FRRS1: variants seen among roughly 807,000 people sequenced by gnomAD.
The protein encoded by FRRS1 is ferric reductase 1.
In FRRS1, 51 loss-of-function variants were observed where a neutral mutation model predicts 70.7. The ratio of observed to expected loss-of-function variants is 0.72; its 90% CI spans 0.58 to 0.91. The LOEUF (loss-of-function observed/expected upper bound fraction) is 0.91. Ranked by LOEUF, FRRS1 falls within the 40% of genes least tolerant of loss-of-function variation. The probability of loss-of-function intolerance (pLI) is 0.00; values close to 1 mark genes in which losing one functional copy is unlikely to be tolerated. For synonymous variants in FRRS1, 225 were observed against 238.7 expected, an observed-to-expected ratio of 0.94 and a Z score of 0.53; for missense variants, 672 against 726.0, an observed-to-expected ratio of 0.93 and a Z score of 0.86.
At position 99,729,743 on chromosome 1, in the gene FRRS1, A is replaced by G. The variant is rs749313268; in HGVS notation, c.765T>C (p.Asp255=). 2.5e-6 allele frequency: 4 copies of G among 1,602,742 alleles called. No individual in the cohort carries two copies. Among genetic ancestry groups the G allele is most frequent in the Admixed American group, 1.7e-5 (1 of 59,658 alleles). ...CATGAATACACAGATAAGCATCATC[A>G]TCACCCTGAAAAACAATTGCAAATG... The part of the protein sequence containing the change: ...FALSHDQWMG[D]DDAYLCIHED... The change falls in exon 8 of 17, where the codon GAT becomes GAC. Residue 255 remains aspartate, a synonymous_variant. Transcript: ENST00000646001.
Position 99,710,898 on chromosome 1 carries a change from G to C in FRRS1, c.1532C>G (p.Ser511Ter), listed in dbSNP as rs753813379. The C allele has an allele frequency of 5.0e-6, 8 of 1,613,788 alleles. No homozygotes were observed. The South Asian group carries it at 8.8e-5, about 18-fold the overall frequency. ...MDLPGLNLPDSWKTYAMTGFV... is the reference protein window; with the variant it reads ...MDLPGLNLPD ...TCCGGTCATTGCATAGGTTTTCCAT[G>C]AATCAGGAAGATTCAGTCCTGGTAA... The change falls in exon 15 of 17, where the codon TCA becomes TGA. Residue 511 changes from serine to a stop codon, truncating the protein, a stop_gained. Coordinates refer to ENST00000646001, the MANE Select transcript of FRRS1 (RefSeq NM_001361041.2). LOFTEE classifies it high-confidence loss of function.
Position 99,712,480 on chromosome 1 carries a change from C to T in FRRS1, c.1359G>A (p.Val453=). The change falls in exon 13 of 17, where the codon GTG becomes GTA. Residue 453 remains valine (V), a synonymous_variant. Coordinates refer to ENST00000646001, the MANE Select transcript of FRRS1 (RefSeq NM_001361041.2). ...AGYHPYLGCI[V]MTLAVLQPLL... is the part of the protein sequence containing the mutation. Reference sequence around the variant, plus strand: ...GAGGCTGAAGAACTGCCAAAGTCATCACTATACAGCCGAGGTATGGGTGGT... The same window carrying T: ...GAGGCTGAAGAACTGCCAAAGTCATTACTATACAGCCGAGGTATGGGTGGT... The T allele has an allele frequency of 1.2e-6, 2 of 1,613,040 alleles. No individual in the cohort carries two copies. Among genetic ancestry groups the T allele is most frequent in the Non-Finnish European group, 1.7e-6 (2 of 1,179,542 alleles).
At chr1:99,721,513 A>T (rs1343221958) in intron 9 of FRRS1, among the ~76,000 whole-genome samples, 3 of 152,140 alleles carry the variant, frequency 2.0e-5, no homozygotes, top group African/African-American at 7.2e-5. Context: ...TAAACAAAAT[A>T]GGTGAATTTG....
At chr1:99,729,245 C>T (rs1655223412) in intron 8 of FRRS1, among the ~76,000 whole-genome samples, 1 of 152,234 alleles carries the variant, frequency 6.6e-6, no homozygotes, top group African/African-American at 2.4e-5. Context: ...CTTAAGACAA[C>T]TGTCCAAGGC....
chr1:99,755,784 T>C (rs1484291770), intron 1 of FRRS1, among the ~76,000 whole-genome samples: 3 of 152,120 alleles, frequency 2.0e-5, no homozygotes, highest in African/African-American at 7.2e-5. Context: ...GAAAAGCATA[T>C]TGGGAATTAT....
chr1:99,712,208 T>A, intron 13 of FRRS1, 45 bp from the exon 14 acceptor site: 1 of 1,286,150 alleles, frequency 7.8e-7, no homozygotes, highest in Non-Finnish European at 1.1e-6. Context: ...GCAATGGAAC[T>A]ATAATTAATT....
chr1:99,762,101 C>T (rs1216853446), intron 1 of FRRS1, among the ~76,000 whole-genome samples: 3 of 152,110 alleles, frequency 2.0e-5, no homozygotes, highest in Admixed American at 1.3e-4. Flanking sequence ...TCCATAGCTT[C>T]AAATCAGACC....
At position 99,705,491 on chromosome 1, in the gene FRRS1, A is replaced by AGAAT. The variant is rs1469970718; in HGVS notation, c.*3533_*3536dup. Among the ~76,000 whole-genome samples, 1 of 152,172 alleles carries AGAAT rather than the reference A, an allele frequency of 6.6e-6. No individual in the cohort carries two copies. The highest frequency in any genetic ancestry group is 2.4e-5 in the African/African-American group (1 of 41,430). On this transcript the variant is annotated 3_prime_UTR_variant, in exon 17 of 17. Coordinates refer to ENST00000646001, the MANE Select transcript of FRRS1 (RefSeq NM_001361041.2). ...TTGTTCTTTTTTTCCCTGCCTCATG[A>AGAAT]GAATATACAGATAAATAGAATTTCA...
intron 7 of FRRS1, 79 bp downstream of exon 7, chr1:99,738,007 C>A (rs1655759814): frequency 2.5e-6 from 3 of 1,209,478 alleles, no homozygotes; most frequent in East Asian, 2.5e-5. Flanking sequence ...TCCCAAAGTG[C>A]TGGGATTACA....
At chr1:99,712,594 G>A (rs959110858) in intron 12 of FRRS1, 79 bp from the exon 13 acceptor site, 5 of 701,856 alleles carry the variant, frequency 7.1e-6, no homozygotes, top group African/African-American at 1.8e-5. Context: ...AATACACACA[G>A]ATGTATTCTT....
intron 1 of FRRS1, among the ~76,000 whole-genome samples, chr1:99,749,237 G>C (rs1032999891): frequency 6.6e-6 from 1 of 152,124 alleles, no homozygotes; most frequent in Admixed American, 6.5e-5. Flanking sequence ...GTTACACCAG[G>C]CTGGTCTCGA....
In FRRS1 at chr1:99,710,819, C is replaced by T. The variant is rs757572143; in HGVS notation, c.1611G>A (p.Arg537=). The T allele has an allele frequency of 4.3e-6, 7 of 1,613,218 alleles. No individual in the cohort carries two copies. The highest frequency in any genetic ancestry group is 1.7e-5 in the Admixed American group (1 of 59,920). Residue 537 remains arginine, a synonymous_variant, in exon 15 of 17, where the codon CGG becomes CGA. Coordinates refer to ENST00000646001, the MANE Select transcript of FRRS1 (RefSeq NM_001361041.2). ...TTACCAGGTTACCTTTGCGAGAGAG[C>T]CGATAAGCATGTACCTCCAGAACAA... is the stretch of plus-strand genomic sequence containing the variant. ...TEVVLEVHAY[R]LSRKVEILDD... is the part of the protein sequence containing the mutation.
chr1:99,740,703 A>C (rs1655911704), intron 6 of FRRS1, 90 bp downstream of exon 6: 2 of 858,810 alleles, frequency 2.3e-6, no homozygotes, highest in African/African-American at 3.3e-5. Context: ...ACTCCAAGGC[A>C]GGAGGATCAC....
chr1:99,709,961 C>T (rs1242690720), intron 15 of FRRS1, among the ~76,000 whole-genome samples: 1 of 152,044 alleles, frequency 6.6e-6, no homozygotes, highest in Non-Finnish European at 1.5e-5. Context: ...GAGTGAGACT[C>T]TGTCTCAAAA....
rs1230659081 is a variant in FRRS1 at position 99,715,661 on chromosome 1, C to T, written c.1248G>A (p.Met416Ile). Residue 416 changes from methionine (M) to isoleucine (I), a missense_variant, in exon 12 of 17, where the codon ATG (methionine) becomes ATA (isoleucine). By Grantham distance (10) the Met-to-Ile change is conservative. Transcript: ENST00000646001. Reference sequence around the variant, plus strand: ...TGAGGACAGTTGTGGTGAACATGAGCATCCGATGCACCTGCAAGGTAAAAT... The same window carrying T: ...TGAGGACAGTTGTGGTGAACATGAGTATCCGATGCACCTGCAAGGTAAAAT... ...GEAAWFQVHR[M>I]LMFTTTVLTC... 5 of 1,611,260 alleles carry T rather than the reference C, an allele frequency of 3.1e-6. No homozygotes were observed. Among genetic ancestry groups the T allele is most frequent in the Non-Finnish European group, 3.4e-6 (4 of 1,177,588 alleles).
chr1:99,753,395 A>T (rs542365035), intron 1 of FRRS1, among the ~76,000 whole-genome samples: 2 of 151,586 alleles, frequency 1.3e-5, no homozygotes, highest in South Asian at 4.2e-4. Flanking sequence ...TTATAATTTG[A>T]TTTTTTTTAA....
intron 4 of FRRS1, among the ~76,000 whole-genome samples, chr1:99,742,707 T>C (rs1656034141): frequency 6.6e-6 from 1 of 152,236 alleles, no homozygotes; most frequent in East Asian, 1.9e-4. Flanking sequence ...TTTCCCACTT[T>C]CATGCACCTG....
chr1:99,747,643 C>T lies in FRRS1; in HGVS notation c.197-213G>A, dbSNP rs1388781910. On this transcript the variant is annotated intron_variant, in intron 3 of 16. Transcript: ENST00000646001. Reference sequence around the variant, plus strand: ...ATTCAATCTGTGAGATATTAATAGCCATTCCGCAAAGAGAAAAGAAAAATA... The same window carrying T: ...ATTCAATCTGTGAGATATTAATAGCTATTCCGCAAAGAGAAAAGAAAAATA... 6 of 494,242 alleles carry T rather than the reference C, an allele frequency of 1.2e-5. No individual in the cohort carries two copies. The East Asian group carries it at 1.8e-4, about 15-fold the overall frequency. The allele number at this position is 494,242 out of a possible 1,614,324, so 30.6% of individuals were successfully genotyped here.
At chr1:99,725,084 A>G (rs1389993059) in intron 9 of FRRS1, among the ~76,000 whole-genome samples, 1 of 152,166 alleles carries the variant, frequency 6.6e-6, no homozygotes, top group Admixed American at 6.5e-5. Context: ...ATCAAAATGC[A>G]TTAGATTCTC....
Sources: allele counts gnomAD v4.1 joint callset (sites outside exome capture counted in the v4.1 genomes callset), GRCh38; gene constraint gnomAD v4.1.1; transcripts MANE v1.5; gene names NCBI Gene and HGNC (gene_info 2026-07-23, HGNC 2026-07-21).